MARK3: variants seen among roughly 807,000 people sequenced by gnomAD.
MARK3 encodes microtubule affinity regulating kinase 3.
In MARK3, 46 loss-of-function variants were observed where a neutral mutation model predicts 90.1. The observed-to-expected ratio is 0.51, with a 90% CI of 0.40 to 0.65. The LOEUF (loss-of-function observed/expected upper bound fraction) is 0.65, where lower values mean the gene tolerates loss of function less well. Among genes scored for constraint, MARK3 ranks in the 30% least tolerant of loss-of-function variants. The pLI is 0.00. For missense variants in MARK3, 818 were observed against 947.2 expected (o/e 0.86, Z 1.79); for synonymous variants, 321 against 332.6 (o/e 0.97, Z 0.38).
At chr14:103,430,925 C>G (rs951279849) in intron 3 of MARK3, among the ~76,000 whole-genome samples, 6 of 151,806 alleles carry the variant, frequency 4.0e-5, no homozygotes, top group Non-Finnish European at 7.4e-5. Context: ...GACTCGAACT[C>G]CTGGGCTTAA....
chr14:103,409,466 G>C (rs909942682), intron 2 of MARK3, among the ~76,000 whole-genome samples: 4 of 82,096 alleles, frequency 4.9e-5, no homozygotes, highest in South Asian at 4.2e-4. Context: ...AAAAAAAAAA[G>C]GAAAAACTTT....
intron 11 of MARK3, 126 bp from the exon 12 acceptor site, chr14:103,467,907 G>T (rs562610876): frequency 3.4e-6 from 3 of 890,524 alleles, no homozygotes; most frequent in African/African-American, 1.7e-5. Flanking sequence ...ATTTTTGTAC[G>T]TTGTGATTCC....
intron 1 of MARK3, among the ~76,000 whole-genome samples, chr14:103,391,414 C>T (rs768816796): frequency 6.6e-6 from 1 of 152,114 alleles, no homozygotes; most frequent in Non-Finnish European, 1.5e-5. Flanking sequence ...AAAAGCAATA[C>T]TTTTATCATA....
Sources: gnomAD v4.1 joint callset for allele counts (sites outside exome capture counted in the v4.1 genomes callset) on GRCh38, gnomAD v4.1.1 for gene constraint, MANE v1.5 for transcripts, NCBI Gene and HGNC (gene_info 2026-07-23, HGNC 2026-07-21) for gene names.